Variants in TMEM62 observed in about 807,000 individuals in gnomAD.
The protein encoded by TMEM62 is transmembrane protein 62.
Under a neutral mutation model 70.4 loss-of-function variants are expected in TMEM62, and 41 were observed. The observed-to-expected ratio is 0.58, with a 90% CI of 0.45 to 0.76. TMEM62 has a LOEUF of 0.76. Among genes scored for constraint, TMEM62 ranks in the 30% least tolerant of loss-of-function variants. The probability of loss-of-function intolerance (pLI) is 0.00; values close to 1 mark genes in which losing one functional copy is unlikely to be tolerated. For synonymous variants in TMEM62, 268 were observed against 291.0 expected (o/e 0.92, Z 0.80); for missense variants, 688 against 788.5 (o/e 0.87, Z 1.53).
At chr15:43,183,388 T>G (rs904883215) in intron 13 of TMEM62, among the ~76,000 whole-genome samples, 1 of 152,280 alleles carries the variant, frequency 6.6e-6, no homozygotes, top group African/African-American at 2.4e-5. Flanking sequence ...CTTGAAATGC[T>G]TTGAAGCAGA....
At chr15:43,167,916 G>A (rs2141952672) in intron 10 of TMEM62, among the ~76,000 whole-genome samples, 1 of 152,288 alleles carries the variant, frequency 6.6e-6, no homozygotes, top group South Asian at 2.1e-4. Flanking sequence ...ATGGTTAGGA[G>A]CTGGAGACCA....
intron 8 of TMEM62, 24 bp from the exon 9 acceptor site, chr15:43,154,648 G>A: frequency 1.3e-6 from 2 of 1,585,194 alleles, no homozygotes; most frequent in Non-Finnish European, 1.7e-6. Flanking sequence ...CAAACCATGT[G>A]TTTTATATAT....
intron 10 of TMEM62, among the ~76,000 whole-genome samples, chr15:43,168,706 T>A (rs939508530): frequency 6.6e-6 from 1 of 152,208 alleles, no homozygotes; most frequent in African/African-American, 2.4e-5. Context: ...AGTACTCCCC[T>A]GGCCACCACA....
intron 8 of TMEM62, 51 bp downstream of exon 8, chr15:43,151,996 T>C (rs1305308735): frequency 6.9e-7 from 1 of 1,450,296 alleles, no homozygotes; most frequent in Non-Finnish European, 9.4e-7. Context: ...TGAAGGAGAA[T>C]AAGTCATTGT....
In TMEM62 at chr15:43,169,590, C is replaced by T. The variant is rs1258915405; in HGVS notation, c.1297-3C>T. 6.2e-7 allele frequency: 1 copy of T among 1,613,056 alleles called. No individual in the cohort carries two copies. The highest frequency in any genetic ancestry group is 2.2e-5 in the East Asian group (1 of 44,868). ...TTTCACGTTAACATCTATTTCCCTG[C>T]AGGCCCGGGTCCTTTTTGTGCTGAT... On this transcript the variant is annotated splice_polypyrimidine_tract_variant and splice_region_variant and intron_variant, in intron 10 of 13. Coordinates refer to ENST00000260403, the MANE Select transcript of TMEM62 (RefSeq NM_024956.4).
chr15:43,146,452 C>G, intron 4 of TMEM62, 41 bp from the exon 5 acceptor site: 1 of 1,555,792 alleles, frequency 6.4e-7, no homozygotes, highest in Non-Finnish European at 8.7e-7. Flanking sequence ...AAAGCATTGT[C>G]TTTTTATTAC....
chr15:43,159,262 A>G (rs1324091675), intron 9 of TMEM62, among the ~76,000 whole-genome samples: 1 of 152,128 alleles, frequency 6.6e-6, no homozygotes, highest in East Asian at 1.9e-4. Context: ...ACACTCTTTT[A>G]GTTATTTTTA....
Position 43,153,709 on chromosome 15 carries a change from C to G in TMEM62, c.1023-963C>G, listed in dbSNP as rs188974508. ...GTGTATATACACACATATGTATACA[C>G]ACATACACACATACCACATTTTGTT... is the stretch of plus-strand genomic sequence containing the variant. On this transcript the variant is annotated intron_variant, in intron 8 of 13. Transcript: ENST00000260403. 2.7e-3 allele frequency among the ~76,000 whole-genome samples: 415 copies of G among 152,198 alleles called. 4 individuals are homozygous for G. Among genetic ancestry groups the G allele is most frequent in the Non-Finnish European group, 2.7e-3 (184 of 68,004 alleles).
Position 43,149,278 on chromosome 15 carries a change from A to G in TMEM62, c.866+127A>G, listed in dbSNP as rs1401715493. 1.1e-5 allele frequency: 11 copies of G among 983,344 alleles called. No homozygotes were observed. In the Admixed American group the frequency reaches 3.2e-4, roughly 28 times the overall value. 60.9% of individuals were successfully genotyped at this position (983,344 alleles called of 1,614,324 possible). A position where few individuals can be genotyped will look rare whatever the true frequency, so the allele number is the denominator to read the frequency against. ...ACTTGTGATATTTCTGTTTTTTTAA[A>G]GTAATATATGTCTCTGAAATCTTTG... is the stretch of plus-strand genomic sequence containing the variant. On this transcript the variant is annotated intron_variant, in intron 7 of 13. Coordinates refer to ENST00000260403, the MANE Select transcript of TMEM62 (RefSeq NM_024956.4).
chr15:43,171,373 T>G (rs910396330), intron 11 of TMEM62, among the ~76,000 whole-genome samples: 1 of 151,126 alleles, frequency 6.6e-6, no homozygotes, highest in Admixed American at 6.6e-5. Context: ...ATTCCAACCA[T>G]CCTGATGATA....
rs755571273 is a variant in TMEM62 at position 43,151,795 on chromosome 15, G to A, written c.872G>A (p.Arg291Gln). ...VGDWKDNRRY[R>Q]IFAFDHDLFS... ...TATCATTATCTGGTCTTTAGGTACC[G>A]GATTTTTGCTTTTGATCACGACCTC... The change falls in exon 8 of 14, where the codon CGG becomes CAG. Residue 291 changes from arginine (R) to glutamine (Q), a missense_variant. Arg to Gln is a conservative substitution (Grantham distance 43, BLOSUM62 1). Transcript: ENST00000260403. The A allele has an allele frequency of 6.6e-5, 106 of 1,612,904 alleles. No homozygotes were observed. Among genetic ancestry groups the A allele is most frequent in the Non-Finnish European group, 8.9e-5 (105 of 1,179,580 alleles).
intron 11 of TMEM62, among the ~76,000 whole-genome samples, chr15:43,173,212 C>A (rs991522293): frequency 1.3e-5 from 2 of 152,108 alleles, no homozygotes; most frequent in African/African-American, 4.8e-5. Flanking sequence ...ACAAAACAAC[C>A]CATTAATTAT....
chr15:43,175,668 G>A (rs964004707), intron 11 of TMEM62, among the ~76,000 whole-genome samples: 18 of 152,232 alleles, frequency 1.2e-4, no homozygotes, highest in African/African-American at 3.1e-4. Context: ...TTAGCTGTGC[G>A]TTAAGAACTG....
At chr15:43,163,378 T>C (rs755829439) in intron 10 of TMEM62, among the ~76,000 whole-genome samples, 1 of 152,196 alleles carries the variant, frequency 6.6e-6, no homozygotes, top group East Asian at 1.9e-4. Flanking sequence ...ATCTCATTAC[T>C]ACAAAATTTT....
chr15:43,149,711 G>A (rs1265906085), intron 7 of TMEM62, among the ~76,000 whole-genome samples: 2 of 152,142 alleles, frequency 1.3e-5, no homozygotes, highest in Middle Eastern at 3.4e-3. Context: ...CGTGAGCCAT[G>A]GCGCCTGGCC....
intron 2 of TMEM62, among the ~76,000 whole-genome samples, chr15:43,134,795 C>T (rs994928354): frequency 4.1e-4 from 63 of 152,262 alleles, no homozygotes; most frequent in African/African-American, 1.5e-3. Context: ...TTTGAGGCTT[C>T]CGGTGACCCA....
rs957215977 is a variant in TMEM62, at chr15:43,169,915, C to T, written c.1381+238C>T. The T allele has an allele frequency of 9.5e-5, 33 of 347,410 alleles. 1 individual carries two copies. Among genetic ancestry groups the T allele is most frequent in the Non-Finnish European group, 1.6e-4 (31 of 193,134 alleles). The allele number at this position is 347,410 out of a possible 1,614,324, so 21.5% of individuals were successfully genotyped here. On this transcript the variant is annotated intron_variant, in intron 11 of 13. Coordinates refer to ENST00000260403, the MANE Select transcript of TMEM62 (RefSeq NM_024956.4). ...CATAAAGCAATACATGGAAGGTATG[C>T]ATTGCTTCGGCCCCAAAAGTTGGGA...
intron 3 of TMEM62, among the ~76,000 whole-genome samples, chr15:43,138,200 A>G (rs1445778956): frequency 6.6e-6 from 1 of 152,184 alleles, no homozygotes; most frequent in Non-Finnish European, 1.5e-5. Context: ...GAGTCTAGCC[A>G]TACTGGTTCT....
At chr15:43,140,676 T>C (rs960284462) in intron 4 of TMEM62, among the ~76,000 whole-genome samples, 2 of 152,184 alleles carry the variant, frequency 1.3e-5, no homozygotes, top group African/African-American at 4.8e-5. Flanking sequence ...CACATTGCCC[T>C]GGGGGGCTAT....
Sources: gnomAD v4.1 joint callset for allele counts (sites outside exome capture counted in the v4.1 genomes callset) on GRCh38, gnomAD v4.1.1 for gene constraint, MANE v1.5 for transcripts, NCBI Gene and HGNC (gene_info 2026-07-23, HGNC 2026-07-21) for gene names.